The following UNC13B variants were observed in gnomAD, a reference collection of about 807,000 sequenced individuals.
UNC13B encodes protein unc-13 homolog B.
UNC13B carries 144 observed loss-of-function variants against 211.0 expected under a neutral mutation model. The observed-to-expected ratio is 0.68, with a 90% CI of 0.60 to 0.78. The LOEUF (loss-of-function observed/expected upper bound fraction) is 0.78. Ranked by LOEUF, UNC13B falls within the 30% of genes least tolerant of loss-of-function variation. The pLI is 0.00. For missense variants in UNC13B, 1,777 were observed against 2,002.0 expected, an observed-to-expected ratio of 0.89 and a Z score of 2.14; for synonymous variants, 709 against 725.8, an observed-to-expected ratio of 0.98 and a Z score of 0.37.
At chr9:35,318,705 A>G (rs1381357493) in intron 11 of UNC13B, among the ~76,000 whole-genome samples, 10 of 152,178 alleles carry the variant, frequency 6.6e-5, no homozygotes, top group Non-Finnish European at 1.3e-4. Flanking sequence ...GGTTGTTTCC[A>G]GTCATTTGCT....
chr9:35,311,112 C>T (rs906769859), intron 10 of UNC13B, among the ~76,000 whole-genome samples: 2 of 152,162 alleles, frequency 1.3e-5, no homozygotes, highest in Admixed American at 6.5e-5. Flanking sequence ...GTAGCTGGGA[C>T]TACTAGGTGT....
chr9:35,350,565 T>C (rs1474821795), intron 11 of UNC13B, among the ~76,000 whole-genome samples: 1 of 152,126 alleles, frequency 6.6e-6, no homozygotes, highest in African/African-American at 2.4e-5. Flanking sequence ...AGCCTAAACC[T>C]CCTTCATCCC....
chr9:35,200,468 G>A (rs1199378985), intron 1 of UNC13B, among the ~76,000 whole-genome samples: 8 of 152,194 alleles, frequency 5.3e-5, no homozygotes, highest in Non-Finnish European at 1.0e-4. Flanking sequence ...CTATCCATGA[G>A]CATGGAATGT....
At chr9:35,240,045 T>C (rs1300498904) in intron 5 of UNC13B, among the ~76,000 whole-genome samples, 1 of 152,206 alleles carries the variant, frequency 6.6e-6, no homozygotes, top group Non-Finnish European at 1.5e-5. Context: ...ATAGGAAATC[T>C]CGAGTATTGA....
At position 35,377,540 on chromosome 9, in the gene UNC13B, G is replaced by A. The variant is rs200053468; in HGVS notation, c.9908G>A (p.Arg3303His). 46 of 1,614,220 alleles carry A rather than the reference G, an allele frequency of 2.8e-5. No individual in the cohort carries two copies. Among genetic ancestry groups the A allele is most frequent in the East Asian group, 6.7e-5 (3 of 44,890 alleles). ...AACATTATCATGGCCATGAAGGACCGCATGAAGATCCGAGAGCGAAATAAG... is the reference window on the plus strand; with the variant it reads ...AACATTATCATGGCCATGAAGGACCACATGAAGATCCGAGAGCGAAATAAG... Reference protein sequence around the residue: ...TQNIIMAMKDRMKIRERNKPE... With the variant: ...TQNIIMAMKDHMKIRERNKPE... The change falls in exon 16 of 40, where the codon CGC becomes CAC. Residue 3303 changes from arginine to histidine, a missense_variant. Coordinates refer to ENST00000635942, the MANE Select transcript of UNC13B (RefSeq NM_001371189.2).
At chr9:35,261,206 C>G (rs573251899) in intron 7 of UNC13B, among the ~76,000 whole-genome samples, 13 of 152,242 alleles carry the variant, frequency 8.5e-5, no homozygotes, top group African/African-American at 3.1e-4. Flanking sequence ...TTATTTTTCT[C>G]TCATGTTTCT....
intron 23 of UNC13B, 131 bp from the exon 24 acceptor site, chr9:35,386,034 T>TGC: frequency 1.3e-6 from 2 of 1,482,748 alleles, no homozygotes; most frequent in Non-Finnish European, 1.8e-6. Context: ...CCTGGCAATT[T>TGC]CATCACAGGG....
intron 11 of UNC13B, among the ~76,000 whole-genome samples, chr9:35,334,829 G>A (rs1208152135): frequency 6.6e-6 from 1 of 152,188 alleles, no homozygotes. Context: ...CTGAGGTCAG[G>A]AGTTCCAGAC....
At chr9:35,269,735 G>A (rs984397774) in intron 7 of UNC13B, among the ~76,000 whole-genome samples, 1 of 152,132 alleles carries the variant, frequency 6.6e-6, no homozygotes, top group African/African-American at 2.4e-5. Flanking sequence ...AGTTAAAAGG[G>A]TTTTAGAAGC....
chr9:35,290,917 ACT>A (rs1376654162), intron 7 of UNC13B, among the ~76,000 whole-genome samples: 2 of 152,050 alleles, frequency 1.3e-5, no homozygotes, highest in African/African-American at 2.4e-5. Flanking sequence ...GAAGGCAGAA[ACT>A]CTATGTTATG....
intron 11 of UNC13B, among the ~76,000 whole-genome samples, chr9:35,321,111 T>A (rs1830716269): frequency 6.6e-6 from 1 of 152,236 alleles, no homozygotes; most frequent in African/African-American, 2.4e-5. Context: ...CTCACTTTGT[T>A]TTTGTGAACT....
chr9:35,319,703 C>A (rs1424371470), intron 11 of UNC13B, among the ~76,000 whole-genome samples: 3 of 151,880 alleles, frequency 2.0e-5, no homozygotes, highest in South Asian at 4.2e-4. Context: ...CTCTGTCACC[C>A]AGGCTGGAGT....
intron 6 of UNC13B, among the ~76,000 whole-genome samples, chr9:35,245,349 T>TA (rs1332858110): frequency 6.6e-6 from 1 of 151,846 alleles, no homozygotes; most frequent in African/African-American, 2.4e-5. Context: ...TTTTTTTTTT[T>TA]AATTTTATTA....
Position 35,306,425 on chromosome 9 carries a change from C to T in UNC13B, c.7021C>T (p.Gln2341Ter), listed in dbSNP as rs1829926256. 2.5e-6 allele frequency: 1 copy of T among 399,032 alleles called. No homozygotes were observed. The highest frequency in any genetic ancestry group is 1.3e-4 in the South Asian group (1 of 7,856). The allele number at this position is 399,032 out of a possible 1,614,324, so 24.7% of individuals were successfully genotyped here. ...IIPPSPEFQAQAETFLTGPEN... is the reference protein window; with the variant it reads ...IIPPSPEFQA ...TCCTCCTTCACCAGAATTTCAGGCACAGGCTGAAACATTCCTCACTGGCCC... is the reference window on the plus strand; with the variant it reads ...TCCTCCTTCACCAGAATTTCAGGCATAGGCTGAAACATTCCTCACTGGCCC... The change falls in exon 9 of 40, where the codon CAG (glutamine) becomes TAG (stop). Residue 2341 changes from glutamine (Q) to a stop codon, truncating the protein, a stop_gained. Transcript: ENST00000635942. LOFTEE classifies it high-confidence loss of function.
intron 26 of UNC13B, 102 bp from the exon 27 acceptor site, chr9:35,396,374 A>C (rs1213026819): frequency 6.8e-6 from 10 of 1,471,224 alleles, no homozygotes; most frequent in Non-Finnish European, 9.3e-6. Flanking sequence ...TTGTCCTAAG[A>C]CATCTGATGG....
chr9:35,340,756 C>T (rs1362972244), intron 11 of UNC13B, among the ~76,000 whole-genome samples: 3 of 152,072 alleles, frequency 2.0e-5, no homozygotes. Context: ...ACTGGCTGAT[C>T]GAGCTCTATA....
intron 1 of UNC13B, among the ~76,000 whole-genome samples, chr9:35,211,884 C>T (rs1029077794): frequency 6.6e-6 from 1 of 152,132 alleles, no homozygotes. Context: ...TGGCTTGAGC[C>T]TGGGAGGTTG....
intron 22 of UNC13B, chr9:35,384,971 C>T: frequency 1.1e-6 from 1 of 931,060 alleles, no homozygotes; most frequent in South Asian, 4.9e-5. Flanking sequence ...ACCTTAAAGT[C>T]AAAAAGAAAT....
chr9:35,190,943 C>A (rs927948375), intron 1 of UNC13B, among the ~76,000 whole-genome samples: 3 of 152,096 alleles, frequency 2.0e-5, no homozygotes, highest in African/African-American at 7.2e-5. Context: ...ACTTAACCTC[C>A]AGTGTACAAG....
Sources: gnomAD v4.1 joint callset for allele counts (sites outside exome capture counted in the v4.1 genomes callset) on GRCh38, gnomAD v4.1.1 for gene constraint, MANE v1.5 for transcripts, NCBI Gene and HGNC (gene_info 2026-07-23, HGNC 2026-07-21) for gene names.